The following SASH1 variants were observed in gnomAD, a reference collection of about 807,000 sequenced individuals.
SASH1 encodes the protein SAM and SH3 domain-containing protein 1.
A neutral mutation model predicts 125.2 loss-of-function variants in SASH1; 44 were observed. That is an observed-to-expected ratio of 0.35 (90% confidence interval 0.28 to 0.45). SASH1 has a LOEUF of 0.45. SASH1 is among the 20% of genes least tolerant of loss of function. The pLI, the probability that SASH1 is intolerant of heterozygous loss-of-function variation, is 1.00. For synonymous variants in SASH1, 639 were observed against 649.1 expected (o/e 0.98, Z 0.24); for missense variants, 1,426 against 1,614.5 (o/e 0.88, Z 2.00).
chr6:148,522,519 A>T (rs1340265242), intron 10 of SASH1, among the ~76,000 whole-genome samples: 2 of 152,220 alleles, frequency 1.3e-5, no homozygotes, highest in African/African-American at 4.8e-5. Flanking sequence ...CAGGGAAATG[A>T]TAATGCTTTG....
intron 2 of SASH1, among the ~76,000 whole-genome samples, chr6:148,403,121 C>G (rs1295901259): frequency 1.3e-5 from 2 of 152,110 alleles, no homozygotes; most frequent in African/African-American, 4.8e-5. Context: ...ACTCCCTAAC[C>G]TTGCATTTTC....
At chr6:148,534,485 A>G (rs1022650979) in intron 15 of SASH1, among the ~76,000 whole-genome samples, 14 of 152,232 alleles carry the variant, frequency 9.2e-5, no homozygotes, top group African/African-American at 3.4e-4. Flanking sequence ...GCTCTTATCA[A>G]GAGTACAATT....
At chr6:148,488,915 C>G (rs924902642) in intron 8 of SASH1, among the ~76,000 whole-genome samples, 1 of 152,182 alleles carries the variant, frequency 6.6e-6, no homozygotes, top group African/African-American at 2.4e-5. Flanking sequence ...TCCTCCCACT[C>G]TGTGGGATGC....
chr6:148,352,159 G>T (rs1157836599), intron 1 of SASH1, among the ~76,000 whole-genome samples: 1 of 152,202 alleles, frequency 6.6e-6, no homozygotes, highest in African/African-American at 2.4e-5. Flanking sequence ...ATTTTAGGTT[G>T]TTTGAGTTCA....
intron 4 of SASH1, among the ~76,000 whole-genome samples, chr6:148,443,070 C>A (rs1264205821): frequency 6.6e-6 from 1 of 150,568 alleles, no homozygotes; most frequent in East Asian, 2.0e-4. Context: ...GCCACCGTGC[C>A]AGCTGTATTT....
chr6:148,376,975 C>A (rs2114768340), intron 1 of SASH1, among the ~76,000 whole-genome samples: 1 of 151,254 alleles, frequency 6.6e-6, no homozygotes, highest in South Asian at 2.1e-4. Flanking sequence ...TCGAGACCAT[C>A]CCGGCTAAAA....
At chr6:148,213,701 G>A in the SASH1 span, among the ~76,000 whole-genome samples, 18 of 152,146 alleles carry the variant, frequency 1.2e-4, no homozygotes, top group African/African-American at 3.9e-4. Context: ...ATTAGAGGTC[G>A]CTTTCAGTTC....
At chr6:148,259,158 G>A in the SASH1 span, among the ~76,000 whole-genome samples, 1 of 152,150 alleles carries the variant, frequency 6.6e-6, no homozygotes, top group South Asian at 2.1e-4. Context: ...TGCCCAGAGT[G>A]GGGGCACCTC....
At chr6:148,419,216 G>A (rs766322914) in intron 2 of SASH1, among the ~76,000 whole-genome samples, 6 of 152,140 alleles carry the variant, frequency 3.9e-5, no homozygotes, top group Non-Finnish European at 8.8e-5. Flanking sequence ...CTTTCAAAAC[G>A]TATAGGTAGA....
chr6:148,282,382 A>AT (rs58971872), intron 1 of SASH1, among the ~76,000 whole-genome samples: 141,088 of 150,050 alleles, frequency 0.94, 66,338 homozygotes, highest in East Asian at 0.98. Flanking sequence ...TGCCCAGGAG[A>AT]TTTTTTTTTT....
chr6:148,335,252 C>G (rs1201531306), intron 1 of SASH1, among the ~76,000 whole-genome samples: 1 of 150,888 alleles, frequency 6.6e-6, no homozygotes, highest in Non-Finnish European at 1.5e-5. Flanking sequence ...GAGCTGAGAT[C>G]GCACCACTGC....
chr6:148,288,165 AGAG>A (rs1278097338), intron 1 of SASH1, among the ~76,000 whole-genome samples: 3 of 91,412 alleles, frequency 3.3e-5, no homozygotes, highest in Non-Finnish European at 5.6e-5. Flanking sequence ...CAGCTGTCAG[AGAG>A]TTTCCCTGGA....
intron 2 of SASH1, among the ~76,000 whole-genome samples, chr6:148,428,928 T>TG (rs1242692453): frequency 1.3e-5 from 2 of 152,154 alleles, no homozygotes; most frequent in African/African-American, 2.4e-5. Flanking sequence ...CAAGAGCTTA[T>TG]GGGGGTCCAG....
intron 19 of SASH1, 101 bp downstream of exon 19, chr6:148,546,247 C>A: frequency 7.2e-7 from 1 of 1,381,518 alleles, no homozygotes; most frequent in Non-Finnish European, 9.8e-7. Context: ...GCTTGCGTAG[C>A]TATGGAAAGG....
In SASH1 at chr6:148,495,573, AG is replaced by A. The variant is rs1779274873; in HGVS notation, c.729+7859del. ...TATCATTAGCTTCATCATGTGGAAA[AG>A]TCTGACCGCAAAGATTTCTTTAATG... On this transcript the variant is annotated intron_variant, in intron 8 of 19. Coordinates refer to ENST00000367467, the MANE Select transcript of SASH1 (RefSeq NM_015278.5). This position sits in a 1 kb window ranked among gnomAD's most constrained non-coding sequence, Gnocchi z 4.0. Among the ~76,000 whole-genome samples, 1 of 152,222 alleles carries A rather than the reference AG, an allele frequency of 6.6e-6. No individual in the cohort carries two copies. The highest frequency in any genetic ancestry group is 2.1e-4 in the South Asian group (1 of 4,836).
chr6:148,420,962 A>G (rs538882883), intron 2 of SASH1, among the ~76,000 whole-genome samples: 171 of 152,024 alleles, frequency 1.1e-3, no homozygotes, highest in Non-Finnish European at 1.7e-3. Flanking sequence ...GCGTGCCTGT[A>G]ATCCCAGCTA....
chr6:148,282,684 G>A (rs998411926), intron 1 of SASH1, among the ~76,000 whole-genome samples: 7 of 151,934 alleles, frequency 4.6e-5, no homozygotes, highest in African/African-American at 1.7e-4. Flanking sequence ...CCAGCCTCAG[G>A]AGATCTTACG....
chr6:148,430,312 G>C (rs997115783), intron 2 of SASH1, among the ~76,000 whole-genome samples: 9 of 152,112 alleles, frequency 5.9e-5, no homozygotes, highest in Non-Finnish European at 1.2e-4. Context: ...TGTCAGTATT[G>C]TGTTTCCATG....
At chr6:148,453,963 C>T (rs1375367499) in intron 4 of SASH1, among the ~76,000 whole-genome samples, 2 of 152,176 alleles carry the variant, frequency 1.3e-5, no homozygotes, top group African/African-American at 4.8e-5. Flanking sequence ...CTGCACAGGC[C>T]AGGTGAGGCT....
Sources: gnomAD v4.1 joint callset for allele counts (sites outside exome capture counted in the v4.1 genomes callset) on GRCh38, gnomAD v4.1.1 for gene constraint, Gnocchi (gnomAD v3.1) non-coding constraint, MANE v1.5 for transcripts, NCBI Gene and HGNC (gene_info 2026-07-23, HGNC 2026-07-21) for gene names.